The following DLG2 variants were observed in gnomAD, a reference collection of about 807,000 sequenced individuals.
DLG2 encodes the protein discs large MAGUK scaffold protein 2, also known as disks large homolog 2.
DLG2 carries 45 observed loss-of-function variants against 132.5 expected under a neutral mutation model. That is an observed-to-expected ratio of 0.34 (90% confidence interval 0.27 to 0.44). DLG2 has a LOEUF of 0.44. Ranked by LOEUF, DLG2 falls within the 20% of genes least tolerant of loss-of-function variation. DLG2 has a pLI of 1.00. For synonymous variants in DLG2, 424 were observed against 419.6 expected (o/e 1.01, Z -0.13); for missense variants, 1,045 against 1,196.9 (o/e 0.87, Z 1.87).
chr11:83,584,578 T>C (rs962648895), intron 19 of DLG2, among the ~76,000 whole-genome samples: 4 of 152,178 alleles, frequency 2.6e-5, no homozygotes, highest in Admixed American at 1.3e-4. Flanking sequence ...GAGGATTGTG[T>C]GATGAATAAT....
chr11:83,837,068 C>G (rs533697062), intron 16 of DLG2, among the ~76,000 whole-genome samples: 1 of 152,270 alleles, frequency 6.6e-6, no homozygotes, highest in South Asian at 2.1e-4. Flanking sequence ...CCTTATTCTC[C>G]TTACCTTTGC....
At chr11:84,121,648 G>T (rs538470892) in intron 9 of DLG2, among the ~76,000 whole-genome samples, 2 of 141,232 alleles carry the variant, frequency 1.4e-5, no homozygotes, top group African/African-American at 5.3e-5. Context: ...TGCAAGTTCC[G>T]CCTCCCGGGT....
chr11:84,302,286 C>T (rs1009081923), intron 7 of DLG2, among the ~76,000 whole-genome samples: 6 of 152,006 alleles, frequency 3.9e-5, no homozygotes, highest in African/African-American at 1.5e-4. Flanking sequence ...CCATGGCACG[C>T]GTATACCTAT....
chr11:83,560,571 G>A (rs1411777434), intron 19 of DLG2, among the ~76,000 whole-genome samples: 1 of 152,098 alleles, frequency 6.6e-6, no homozygotes, highest in Non-Finnish European at 1.5e-5. Context: ...TAAAATGTCT[G>A]TTTCTCAAAA....
intron 8 of DLG2, among the ~76,000 whole-genome samples, chr11:84,204,449 A>C (rs1174708341): frequency 1.3e-5 from 2 of 152,222 alleles, no homozygotes; most frequent in Non-Finnish European, 2.9e-5. Context: ...CTAAAAATTA[A>C]TACAAGAAAA....
At chr11:85,071,710 A>T (rs1297266469) in intron 6 of DLG2, among the ~76,000 whole-genome samples, 2 of 151,810 alleles carry the variant, frequency 1.3e-5, no homozygotes, top group Non-Finnish European at 2.9e-5. Flanking sequence ...TCTTGAAAAA[A>T]ATCAGGCACT....
intron 7 of DLG2, among the ~76,000 whole-genome samples, chr11:84,274,052 T>A (rs1044925139): frequency 6.6e-6 from 1 of 152,110 alleles, no homozygotes; most frequent in Non-Finnish European, 1.5e-5. Context: ...TCTCGGGAAA[T>A]GAGAGTAGGC....
chr11:85,497,949 C>T (rs1002827038), intron 3 of DLG2, among the ~76,000 whole-genome samples: 2 of 152,162 alleles, frequency 1.3e-5, no homozygotes, highest in East Asian at 3.8e-4. Context: ...TGGATAGGAA[C>T]AACTGGTACC....
chr11:84,823,581 CCACACACACACACACACACACA>C (rs60714512), intron 6 of DLG2, among the ~76,000 whole-genome samples: 13 of 134,404 alleles, frequency 9.7e-5, no homozygotes, highest in Admixed American at 3.8e-4. Context: ...GGTTGTATAT[CCACACACACACACACACACACA>C]CACACACACA....
rs573145576 is a variant in DLG2, at chr11:85,440,622, C to A, written c.41-155257G>T. On this transcript the variant is annotated intron_variant, in intron 3 of 27. Coordinates refer to ENST00000376104, the MANE Select transcript of DLG2 (RefSeq NM_001142699.3). ...AATAGACTGTTTTTGAAAATTCATT[C>A]CTAAAAATGTGTGTCTCTCAACTAG... 1.1e-4 allele frequency among the ~76,000 whole-genome samples: 16 copies of A among 152,224 alleles called. 1 individual carries two copies. The South Asian group carries it at 3.3e-3, about 32-fold the overall frequency.
At chr11:85,125,262 C>A (rs1370921961) in intron 5 of DLG2, among the ~76,000 whole-genome samples, 1 of 152,160 alleles carries the variant, frequency 6.6e-6, no homozygotes, top group African/African-American at 2.4e-5. Context: ...CTCTCAGTCT[C>A]ATAGCTCTTC....
At chr11:83,756,148 C>T (rs775559481) in intron 18 of DLG2, among the ~76,000 whole-genome samples, 1 of 151,056 alleles carries the variant, frequency 6.6e-6, no homozygotes, top group Non-Finnish European at 1.5e-5. Flanking sequence ...GTATTAGAAT[C>T]TTTTTGAATT....
At chr11:83,913,190 G>A (rs541023503) in intron 15 of DLG2, among the ~76,000 whole-genome samples, 1 of 151,974 alleles carries the variant, frequency 6.6e-6, no homozygotes, top group Admixed American at 6.6e-5. Context: ...AGCTTTGTAT[G>A]GAATGCTAAT....
At chr11:84,120,886 C>T (rs114721544) in intron 9 of DLG2, among the ~76,000 whole-genome samples, 19 of 152,310 alleles carry the variant, frequency 1.2e-4, no homozygotes, top group African/African-American at 4.3e-4. Context: ...TATATCCTTA[C>T]ATTCAGTCAC....
chr11:84,357,832 T>A (rs2098626228), intron 7 of DLG2, among the ~76,000 whole-genome samples: 1 of 152,042 alleles, frequency 6.6e-6, no homozygotes, highest in Admixed American at 6.6e-5. Flanking sequence ...AATCTTTTTT[T>A]AATGAAGGCA....
chr11:84,040,468 T>G (rs2096038158), intron 11 of DLG2, among the ~76,000 whole-genome samples: 1 of 150,954 alleles, frequency 6.6e-6, no homozygotes, highest in African/African-American at 2.4e-5. Flanking sequence ...CACCATTTAT[T>G]AAATAGGGAA....
intron 6 of DLG2, among the ~76,000 whole-genome samples, chr11:85,053,326 C>A (rs1286586017): frequency 6.6e-6 from 1 of 152,112 alleles, no homozygotes; most frequent in Non-Finnish European, 1.5e-5. Flanking sequence ...ACTTGGGAAA[C>A]CATGTTACCT....
At chr11:83,699,937 GCACACACA>G (rs140957816) in intron 18 of DLG2, among the ~76,000 whole-genome samples, 1 of 142,314 alleles carries the variant, frequency 7.0e-6, no homozygotes, top group East Asian at 2.0e-4. Context: ...CACCACACAT[GCACACACA>G]CACACACACA....
intron 6 of DLG2, among the ~76,000 whole-genome samples, chr11:84,714,637 C>CTT (rs2060966751): frequency 7.1e-6 from 1 of 141,066 alleles, no homozygotes; most frequent in African/African-American, 2.9e-5. Context: ...CTCTCTCTCT[C>CTT]TCTCTCTCTT....
Sources: gnomAD v4.1 joint callset for allele counts (sites outside exome capture counted in the v4.1 genomes callset) on GRCh38, gnomAD v4.1.1 for gene constraint, MANE v1.5 for transcripts, NCBI Gene and HGNC (gene_info 2026-07-23, HGNC 2026-07-21) for gene names.